UBOX5: variants seen among roughly 807,000 people sequenced by gnomAD.
The protein encoded by UBOX5 is U-box domain containing 5, also known as RING finger protein 37.
In UBOX5, 28 loss-of-function variants were observed where a neutral mutation model predicts 39.0. The observed-to-expected ratio is 0.72, with a 90% CI of 0.53 to 0.98. UBOX5 has a LOEUF of 0.98. Ranked by LOEUF, UBOX5 falls within the 50% of genes least tolerant of loss-of-function variation. UBOX5 has a pLI of 0.00. For missense variants in UBOX5, 585 were observed against 674.4 expected (o/e 0.87, Z 1.47); for synonymous variants, 283 against 275.5 (o/e 1.03, Z -0.27).
chr20:3,133,871 G>A (rs942872614), intron 1 of UBOX5, among the ~76,000 whole-genome samples: 2 of 151,672 alleles, frequency 1.3e-5, no homozygotes, highest in African/African-American at 4.8e-5. Flanking sequence ...TCCTACCTCT[G>A]CCTCCCGAGT....
At chr20:3,114,480 TG>T (rs146360579) in intron 4 of UBOX5, among the ~76,000 whole-genome samples, 2 of 152,092 alleles carry the variant, frequency 1.3e-5, no homozygotes, top group African/African-American at 4.8e-5. Context: ...TGGCATACAA[TG>T]GGGGTCAAGG....
chr20:3,155,936 A>C (rs1193880099), intron 1 of UBOX5, among the ~76,000 whole-genome samples: 1 of 152,208 alleles, frequency 6.6e-6, no homozygotes, highest in East Asian at 1.9e-4. Context: ...GAAACAGAGG[A>C]CTTCAGAAGT....
At chr20:3,136,073 CTGA>C in intron 1 of UBOX5, 1 of 152,330 alleles carries the variant, frequency 6.6e-6, no homozygotes, top group Middle Eastern at 3.4e-3. Flanking sequence ...TTTTCTCTGG[CTGA>C]TGTGTTCCCC....
chr20:3,109,972 T>A lies in UBOX5; in HGVS notation c.*134A>T, dbSNP rs558164028. On this transcript the variant is annotated 3_prime_UTR_variant, in exon 5 of 5. Transcript: ENST00000217173. Reference sequence around the variant, plus strand: ...AGCAATGTGCTATACCGTGAGGTGATGAAGAAGAGCCCCGGGAGGGAGCAG... The same window carrying A: ...AGCAATGTGCTATACCGTGAGGTGAAGAAGAAGAGCCCCGGGAGGGAGCAG... 9 of 1,022,002 alleles carry A rather than the reference T, an allele frequency of 8.8e-6. No homozygotes were observed. Among genetic ancestry groups the A allele is most frequent in the Middle Eastern group, 3.1e-4 (1 of 3,250 alleles). The allele number at this position is 1,022,002 out of a possible 1,614,324, so 63.3% of individuals were successfully genotyped here.
Position 3,122,295 on chromosome 20 carries a change from A to G in UBOX5, c.344T>C (p.Phe115Ser). 6.2e-7 allele frequency: 1 copy of G among 1,614,208 alleles called. No homozygotes were observed. The highest frequency in any genetic ancestry group is 8.5e-7 in the Non-Finnish European group (1 of 1,180,030). The part of the protein sequence containing the change: ...AEPSVPDKEA[F>S]TLVGKVLLKN... ...CAGTAAGACTTTGCCTACCAAGGTG[A>G]ACGCCTCCTTGTCTGGGACAGATGG... Residue 115 changes from phenylalanine to serine, a missense_variant, in exon 3 of 5, where the codon TTC (phenylalanine) becomes TCC (serine). By Grantham distance (155) the Phe-to-Ser change is radical (BLOSUM62 -2). Transcript: ENST00000217173.
At position 3,127,370 on chromosome 20, in the gene UBOX5, A is replaced by C. The variant is rs556948731; in HGVS notation, c.-41-3964T>G. Among the ~76,000 whole-genome samples, 13 of 152,376 alleles carry C rather than the reference A, an allele frequency of 8.5e-5. No individual in the cohort carries two copies. In the East Asian group the frequency reaches 2.3e-3, roughly 27 times the overall value. Reference sequence around the variant, plus strand: ...CAACATCTGAGTGGATAGTTGCTGCACAGTGAAGATCTGTCATGGGCCTTG... The same window carrying C: ...CAACATCTGAGTGGATAGTTGCTGCCCAGTGAAGATCTGTCATGGGCCTTG... On this transcript the variant is annotated intron_variant, in intron 1 of 4. Coordinates refer to ENST00000217173, the MANE Select transcript of UBOX5 (RefSeq NM_014948.4).
intron 1 of UBOX5, among the ~76,000 whole-genome samples, chr20:3,130,506 A>G (rs1359104057): frequency 6.6e-6 from 1 of 151,928 alleles, no homozygotes; most frequent in African/African-American, 2.4e-5. Flanking sequence ...CACCAAACCC[A>G]ACTTGTTTGC....
intron 1 of UBOX5, among the ~76,000 whole-genome samples, chr20:3,156,126 G>C (rs1015551508): frequency 6.6e-6 from 1 of 151,600 alleles, no homozygotes; most frequent in African/African-American, 2.4e-5. Flanking sequence ...CCATAGGAAA[G>C]CTGGAAAGAG....
chr20:3,117,909 T>C (rs565030767), intron 3 of UBOX5, among the ~76,000 whole-genome samples: 1 of 151,664 alleles, frequency 6.6e-6, no homozygotes, highest in South Asian at 2.1e-4. Context: ...GGAAAATCAC[T>C]TGAATCCGGG....
chr20:3,121,068 C>A (rs1436021409), intron 3 of UBOX5, among the ~76,000 whole-genome samples: 1 of 152,158 alleles, frequency 6.6e-6, no homozygotes, highest in East Asian at 1.9e-4. Context: ...GTTGACCAGG[C>A]CAGGGCACAT....
intron 1 of UBOX5, among the ~76,000 whole-genome samples, chr20:3,155,054 A>G (rs1277695007): frequency 6.2e-5 from 1 of 16,236 alleles, no homozygotes; most frequent in African/African-American, 7.9e-4. Flanking sequence ...CACAGTCTCA[A>G]AAAAAAAAAA....
intron 1 of UBOX5, among the ~76,000 whole-genome samples, chr20:3,132,005 C>T (rs1270893641): frequency 1.3e-5 from 1 of 76,904 alleles, no homozygotes; most frequent in African/African-American, 4.5e-5. Context: ...GAGACACTGT[C>T]TCAAAAAAAA....
At chr20:3,156,681 T>C (rs2066689774) in intron 1 of UBOX5, 2 of 152,254 alleles carry the variant, frequency 1.3e-5, no homozygotes, top group South Asian at 4.1e-4. Context: ...TGAAGAATCT[T>C]ACCTTTCTCC....
Position 3,143,919 on chromosome 20 carries a change from T to C in UBOX5, c.-42+15847A>G, listed in dbSNP as rs187231015. Among the ~76,000 whole-genome samples, 45 of 151,946 alleles carry C rather than the reference T, an allele frequency of 3.0e-4. 1 individual carries two copies. In the East Asian group the frequency reaches 8.5e-3, roughly 29 times the overall value. On this transcript the variant is annotated intron_variant, in intron 1 of 4. Coordinates refer to ENST00000217173, the MANE Select transcript of UBOX5 (RefSeq NM_014948.4). Reference sequence around the variant, plus strand: ...GCTGCAGTGAGCTACGATCACATCATTGCACTCCAGCCTGGGTGACAGAGC... The same window carrying C: ...GCTGCAGTGAGCTACGATCACATCACTGCACTCCAGCCTGGGTGACAGAGC...
intron 1 of UBOX5, among the ~76,000 whole-genome samples, chr20:3,124,769 C>T (rs7262246): frequency 0.12 from 16,844 of 146,084 alleles, 1,907 homozygotes; most frequent in East Asian, 0.41. Context: ...TCTGCCCAGC[C>T]GCCACCCCGT....
At chr20:3,135,217 A>C (rs1055939151) in intron 1 of UBOX5, among the ~76,000 whole-genome samples, 4 of 152,236 alleles carry the variant, frequency 2.6e-5, no homozygotes, top group African/African-American at 9.6e-5. Context: ...AATTCACAGG[A>C]GTAAACATGT....
intron 1 of UBOX5, among the ~76,000 whole-genome samples, chr20:3,155,431 C>T (rs978042823): frequency 2.1e-4 from 32 of 151,510 alleles, no homozygotes; most frequent in African/African-American, 6.8e-4. Flanking sequence ...CTCAGAAGGC[C>T]GAGGCAGGAG....
chr20:3,156,344 T>C (rs1048596293), intron 1 of UBOX5, among the ~76,000 whole-genome samples: 1 of 151,924 alleles, frequency 6.6e-6, no homozygotes, highest in African/African-American at 2.4e-5. Flanking sequence ...CCCACCTAAT[T>C]TTTTTGTATT....
chr20:3,126,099 G>A (rs2066386062), intron 1 of UBOX5, among the ~76,000 whole-genome samples: 1 of 152,232 alleles, frequency 6.6e-6, no homozygotes, highest in South Asian at 2.1e-4. Context: ...AAGAAAGAGA[G>A]ATCAGATTGT....
Sources: gnomAD v4.1 joint callset for allele counts (sites outside exome capture counted in the v4.1 genomes callset) on GRCh38, gnomAD v4.1.1 for gene constraint, MANE v1.5 for transcripts, NCBI Gene and HGNC (gene_info 2026-07-23, HGNC 2026-07-21) for gene names.